Variants in FIGN observed in about 807,000 individuals in gnomAD.
The protein encoded by FIGN is fidgetin.
In FIGN, 11 loss-of-function variants were observed where a neutral mutation model predicts 51.3. That is an observed-to-expected ratio of 0.21 (90% CI 0.13 to 0.35). FIGN has a LOEUF of 0.35. FIGN is among the 10% of genes least tolerant of loss of function. The pLI is 1.00. For synonymous variants in FIGN, 407 were observed against 363.2 expected (o/e 1.12, Z -1.37); for missense variants, 857 against 943.6 (o/e 0.91, Z 1.20).
intron 2 of FIGN, among the ~76,000 whole-genome samples, chr2:163,676,877 T>C (rs1683979923): frequency 6.6e-6 from 1 of 151,972 alleles, no homozygotes. Flanking sequence ...TAGTTTATAA[T>C]ACAAAAAAGA....
At chr2:163,632,858 T>C (rs772800616) in intron 2 of FIGN, among the ~76,000 whole-genome samples, 1 of 152,200 alleles carries the variant, frequency 6.6e-6, no homozygotes, top group Non-Finnish European at 1.5e-5. Context: ...ATTCCTTTCC[T>C]AATCCTGACA....
At chr2:163,721,842 G>T (rs1320477031) in intron 2 of FIGN, among the ~76,000 whole-genome samples, 4 of 152,124 alleles carry the variant, frequency 2.6e-5, no homozygotes, top group Non-Finnish European at 5.9e-5. Context: ...TGACAATAGA[G>T]TCTTTGTTTT....
intron 2 of FIGN, among the ~76,000 whole-genome samples, chr2:163,729,834 G>T (rs979622241): frequency 2.6e-5 from 4 of 152,120 alleles, no homozygotes; most frequent in Admixed American, 2.0e-4. Context: ...TGGATTTACT[G>T]CTTCTGATAC....
rs764281031 is a variant in FIGN, at chr2:163,611,129, C to T, written c.703G>A (p.Gly235Ser). 6.2e-7 allele frequency: 1 copy of T among 1,614,082 alleles called. No individual in the cohort carries two copies. Among genetic ancestry groups the T allele is most frequent in the Non-Finnish European group, 8.5e-7 (1 of 1,180,014 alleles). Residue 235 changes from glycine (G) to serine (S), a missense_variant, in exon 3 of 3, where the codon GGC becomes AGC. Gly to Ser is a moderately conservative substitution (Grantham distance 56, BLOSUM62 0). Transcript: ENST00000333129. ...GAGAGGTTAGAAGTCCCATTGTAGCCTGGGACCAAGGCTGGTGGCGGAGGA... is the reference window on the plus strand; with the variant it reads ...GAGAGGTTAGAAGTCCCATTGTAGCTTGGGACCAAGGCTGGTGGCGGAGGA... The part of the protein sequence containing the change: ...PPPPPPALVP[G>S]YNGTSNLSSY...
chr2:163,604,118 A>G lies in FIGN; in HGVS notation c.*5434T>C, dbSNP rs114691654. 0.016 allele frequency: 2,400 copies of G among 152,184 alleles called. 22 individuals are homozygous for G. Among genetic ancestry groups the G allele is most frequent in the Middle Eastern group, 0.027 (8 of 294 alleles). 9.4% of individuals were successfully genotyped at this position (152,184 alleles called of 1,614,324 possible). On this transcript the variant is annotated 3_prime_UTR_variant, in exon 3 of 3. Coordinates refer to ENST00000333129, the MANE Select transcript of FIGN (RefSeq NM_018086.4). ...ATTGTTTTTCTTAATTTATATCAGG[A>G]GTCACAGAATTAAAATGAAGGCATT...
At chr2:163,670,902 G>A (rs1683865108) in intron 2 of FIGN, among the ~76,000 whole-genome samples, 1 of 152,144 alleles carries the variant, frequency 6.6e-6, no homozygotes. Flanking sequence ...CGACAAGACT[G>A]TTGTCTGTAT....
At chr2:163,618,535 C>A (rs763087143) in intron 2 of FIGN, among the ~76,000 whole-genome samples, 3 of 151,974 alleles carry the variant, frequency 2.0e-5, no homozygotes, top group Admixed American at 6.6e-5. Context: ...GTAACATATA[C>A]CCTGCAACTG....
At chr2:163,628,231 A>G (rs1409169427) in intron 2 of FIGN, among the ~76,000 whole-genome samples, 2 of 140,860 alleles carry the variant, frequency 1.4e-5, no homozygotes, top group Non-Finnish European at 3.1e-5. Flanking sequence ...CTCAGTTCCA[A>G]ATCTAATAGA....
intron 2 of FIGN, among the ~76,000 whole-genome samples, chr2:163,695,294 C>A (rs975827705): frequency 6.6e-6 from 1 of 152,134 alleles, no homozygotes; most frequent in African/African-American, 2.4e-5. Context: ...AATCCCCCAC[C>A]CAGCAATGTT....
chr2:163,649,400 TG>T (rs1403585592), intron 2 of FIGN, among the ~76,000 whole-genome samples: 1 of 152,206 alleles, frequency 6.6e-6, no homozygotes, highest in Admixed American at 6.5e-5. Context: ...TTTCTGCTTT[TG>T]GGGGTCTGAC....
intron 2 of FIGN, among the ~76,000 whole-genome samples, chr2:163,700,039 G>C (rs1684384019): frequency 6.6e-6 from 1 of 152,006 alleles, no homozygotes; most frequent in Non-Finnish European, 1.5e-5. Context: ...AATTGGAAAG[G>C]AAAGAAGGAG....
intron 2 of FIGN, among the ~76,000 whole-genome samples, chr2:163,662,133 T>C (rs536403541): frequency 3.9e-5 from 6 of 152,296 alleles, no homozygotes; most frequent in African/African-American, 1.4e-4. Flanking sequence ...AAAATGGTGA[T>C]ATCAATATTG....
At position 163,605,176 on chromosome 2, in the gene FIGN, T is replaced by G. The variant is rs1281523387; in HGVS notation, c.*4376A>C. On this transcript the variant is annotated 3_prime_UTR_variant, in exon 3 of 3. Transcript: ENST00000333129. ...TGTCTTTGACAATTGCAGTGCCTAG[T>G]GCTACACTGCTTGTGTTGTATTTAA... is the stretch of plus-strand genomic sequence containing the variant. 1 of 151,920 alleles carries G rather than the reference T, an allele frequency of 6.6e-6. No individual in the cohort carries two copies. Among genetic ancestry groups the G allele is most frequent in the Non-Finnish European group, 1.5e-5 (1 of 67,956 alleles). The allele number at this position is 151,920 out of a possible 1,614,324, so 9.4% of individuals were successfully genotyped here.
chr2:163,676,449 A>C (rs1683967638), intron 2 of FIGN, among the ~76,000 whole-genome samples: 1 of 60,868 alleles, frequency 1.6e-5, no homozygotes, highest in Admixed American at 1.6e-4. Flanking sequence ...ATATATATAT[A>C]TATATATATA....
chr2:163,734,921 T>A lies in FIGN; in HGVS notation c.7A>T (p.Ser3Cys). The stretch of plus-strand genomic sequence containing the variant: ...GACATACCATAAACACTGGTGCTAC[T>A]GATCATTTCTTGCTGGCAGCACAAA... MISSTSVYGLKMQ... is the reference protein window; with the variant it reads MICSTSVYGLKMQ... Residue 3 changes from serine (S) to cysteine (C), a missense_variant, in exon 2 of 3, where the codon AGT (serine) becomes TGT (cysteine). Ser to Cys is a moderately radical substitution (Grantham distance 112). Coordinates refer to ENST00000333129, the MANE Select transcript of FIGN (RefSeq NM_018086.4). 6.2e-7 allele frequency: 1 copy of A among 1,611,250 alleles called. No individual in the cohort carries two copies. Among genetic ancestry groups the A allele is most frequent in the Non-Finnish European group, 8.5e-7 (1 of 1,178,996 alleles).
chr2:163,647,513 C>T (rs1359635732), intron 2 of FIGN, among the ~76,000 whole-genome samples: 1 of 152,148 alleles, frequency 6.6e-6, no homozygotes, highest in Non-Finnish European at 1.5e-5. Context: ...TCAGAGCTCA[C>T]CCTTGACTGT....
At chr2:163,677,138 G>A (rs778172005) in intron 2 of FIGN, among the ~76,000 whole-genome samples, 3 of 152,114 alleles carry the variant, frequency 2.0e-5, no homozygotes, top group Non-Finnish European at 4.4e-5. Context: ...TTGCAGAATG[G>A]GCATGGCTCT....
rs148165240 is a variant in FIGN, at chr2:163,733,613, G to A, written c.25+1290C>T. Among the ~76,000 whole-genome samples the A allele has an allele frequency of 4.0e-3, 609 of 152,316 alleles. 5 individuals carry two copies. The highest frequency in any genetic ancestry group is 0.014 in the African/African-American group (572 of 41,572). Reference sequence around the variant, plus strand: ...AAACATTTCTCAGGGCAAATTATGTGCATCTAAAATAAACAGTCTTCTTAT... The same window carrying A: ...AAACATTTCTCAGGGCAAATTATGTACATCTAAAATAAACAGTCTTCTTAT... On this transcript the variant is annotated intron_variant, in intron 2 of 2. Transcript: ENST00000333129.
At chr2:163,630,234 A>G (rs758212381) in intron 2 of FIGN, among the ~76,000 whole-genome samples, 7 of 151,964 alleles carry the variant, frequency 4.6e-5, no homozygotes, top group Admixed American at 1.3e-4. Context: ...CTAAAGTGCT[A>G]GGATTTCAGG....
Sources: allele counts gnomAD v4.1 joint callset (sites outside exome capture counted in the v4.1 genomes callset), GRCh38; gene constraint gnomAD v4.1.1; transcripts MANE v1.5; gene names NCBI Gene and HGNC (gene_info 2026-07-23, HGNC 2026-07-21).